The following CTNNA2 variants were observed in gnomAD, a reference collection of about 807,000 sequenced individuals.
The protein encoded by CTNNA2 is catenin alpha-2.
In CTNNA2, 42 loss-of-function variants were observed where a neutral mutation model predicts 101.0. That is an observed-to-expected ratio of 0.42 (90% CI 0.32 to 0.54). The LOEUF is 0.54. CTNNA2 is among the 20% of genes least tolerant of loss of function. The probability of loss-of-function intolerance (pLI) is 0.14; values close to 1 mark genes in which losing one functional copy is unlikely to be tolerated. For missense variants in CTNNA2, 871 were observed against 1,223.1 expected, an observed-to-expected ratio of 0.71 and a Z score of 4.29; for synonymous variants, 450 against 456.4, an observed-to-expected ratio of 0.99 and a Z score of 0.18.
chr2:80,474,561 C>T (rs1161784281), intron 9 of CTNNA2, among the ~76,000 whole-genome samples: 2 of 152,114 alleles, frequency 1.3e-5, no homozygotes, highest in African/African-American at 4.8e-5. Flanking sequence ...TGTTACATAC[C>T]TACATTTTCC....
At chr2:80,502,527 T>G (rs886833330) in intron 9 of CTNNA2, among the ~76,000 whole-genome samples, 1 of 152,200 alleles carries the variant, frequency 6.6e-6, no homozygotes, top group Non-Finnish European at 1.5e-5. Context: ...TTATTTTCAT[T>G]TTTTCCAAAT....
Position 80,555,744 on chromosome 2 carries a change from G to T in CTNNA2, c.1592G>T (p.Gly531Val). Residue 531 changes from glycine to valine, a missense_variant, in exon 12 of 19, where the codon GGC (glycine) becomes GTC (valine). By Grantham distance (109) the Gly-to-Val change is moderately radical (BLOSUM62 -3). Transcript: ENST00000402739. ...VNKCVIALQE[G>V]DVDTLDRTAG... ...AAGTGTGTGATAGCCCTCCAAGAGG[G>T]CGATGTGGACACTCTGGACCGGACT... 6.3e-7 allele frequency: 1 copy of T among 1,582,246 alleles called. No individual in the cohort carries two copies. The highest frequency in any genetic ancestry group is 8.6e-7 in the Non-Finnish European group (1 of 1,163,880).
At chr2:79,326,581 A>C (rs1371536571) in intron 3 of CTNNA2, among the ~76,000 whole-genome samples, 1 of 152,194 alleles carries the variant, frequency 6.6e-6, no homozygotes, top group Non-Finnish European at 1.5e-5. Context: ...CTAGTCATTT[A>C]TAACATGATT....
chr2:80,019,924 C>A (rs1428388381), intron 7 of CTNNA2, among the ~76,000 whole-genome samples: 1 of 152,072 alleles, frequency 6.6e-6, no homozygotes, highest in African/African-American at 2.4e-5. Context: ...CCTGTAGTTC[C>A]CTACGTTTTT....
chr2:80,109,478 A>G (rs1182571374), intron 7 of CTNNA2, among the ~76,000 whole-genome samples: 1 of 151,960 alleles, frequency 6.6e-6, no homozygotes, highest in Non-Finnish European at 1.5e-5. Context: ...AAACAAACAA[A>G]CAAACAAACA....
intron 7 of CTNNA2, among the ~76,000 whole-genome samples, chr2:80,079,833 A>T (rs867682953): frequency 5.2e-5 from 4 of 76,830 alleles, no homozygotes; most frequent in Non-Finnish European, 6.9e-5. Flanking sequence ...TAAAATAAAT[A>T]AAATAAAATA....
intron 4 of CTNNA2, among the ~76,000 whole-genome samples, chr2:79,377,969 A>C (rs1677998148): frequency 6.6e-6 from 1 of 152,130 alleles, no homozygotes; most frequent in African/African-American, 2.4e-5. Flanking sequence ...ATACAGTAAA[A>C]TCTAATGTTT....
intron 7 of CTNNA2, among the ~76,000 whole-genome samples, chr2:79,977,221 T>TGCAC (rs1553419393): frequency 4.5e-5 from 4 of 88,162 alleles, no homozygotes; most frequent in Admixed American, 2.9e-4. Flanking sequence ...TGCATATGCA[T>TGCAC]GCACACACAC....
intron 7 of CTNNA2, among the ~76,000 whole-genome samples, chr2:80,002,138 G>T (rs563017694): frequency 2.0e-5 from 3 of 152,138 alleles, no homozygotes; most frequent in Non-Finnish European, 4.4e-5. Flanking sequence ...TTTAAGAAAT[G>T]CAATGGTTGA....
chr2:80,100,235 T>C (rs1465607392), intron 7 of CTNNA2, among the ~76,000 whole-genome samples: 1 of 152,128 alleles, frequency 6.6e-6, no homozygotes, highest in Non-Finnish European at 1.5e-5. Context: ...CTCCCAACCA[T>C]GCATCTGAAT....
At chr2:80,163,546 T>A (rs1704471289) in intron 7 of CTNNA2, among the ~76,000 whole-genome samples, 2 of 152,118 alleles carry the variant, frequency 1.3e-5, no homozygotes, top group Admixed American at 6.6e-5. Flanking sequence ...TTGGTATAGG[T>A]TCTATGGACA....
chr2:80,168,205 C>A (rs566744216), intron 7 of CTNNA2, among the ~76,000 whole-genome samples: 5 of 152,230 alleles, frequency 3.3e-5, no homozygotes, highest in African/African-American at 1.2e-4. Context: ...TTCTTTCCCC[C>A]TCCAGCCTCA....
At chr2:79,646,321 T>G (rs138074301) in intron 1 of CTNNA2, among the ~76,000 whole-genome samples, 1,975 of 152,304 alleles carry the variant, frequency 0.013, 27 homozygotes, top group Middle Eastern at 0.02. Flanking sequence ...CCTTGGCTGC[T>G]TCACAGAGGA....
chr2:80,559,151 G>T lies in CTNNA2; in HGVS notation c.1741+3258G>T, dbSNP rs1462507178. Among the ~76,000 whole-genome samples, 4 of 152,224 alleles carry T rather than the reference G, an allele frequency of 2.6e-5. No individual in the cohort carries two copies. In the East Asian group the frequency reaches 7.7e-4, roughly 29 times the overall value. On this transcript the variant is annotated intron_variant, in intron 12 of 18. Transcript: ENST00000402739. ...AAAATAATGTGCACTGAGCATTACT[G>T]CCCTAAAGTAAAGAAATAACCCAAA...
intron 14 of CTNNA2, among the ~76,000 whole-genome samples, chr2:80,587,314 C>T (rs1056033111): frequency 6.6e-6 from 1 of 152,058 alleles, no homozygotes; most frequent in East Asian, 1.9e-4. Context: ...TAGATAGTTG[C>T]ATAGACCCCG....
intron 1 of CTNNA2, among the ~76,000 whole-genome samples, chr2:79,635,851 C>A (rs1680003662): frequency 1.3e-5 from 2 of 151,782 alleles, no homozygotes; most frequent in Admixed American, 1.3e-4. Context: ...GGAGTTGGAC[C>A]AATGTTGTGG....
chr2:79,719,356 C>G (rs1228965400), intron 2 of CTNNA2, among the ~76,000 whole-genome samples: 1 of 152,122 alleles, frequency 6.6e-6, no homozygotes, highest in African/African-American at 2.4e-5. Context: ...CTGTTGTGAA[C>G]AGTGCAGTGA....
intron 1 of CTNNA2, among the ~76,000 whole-genome samples, chr2:79,539,914 C>T (rs557700259): frequency 1.3e-5 from 2 of 152,258 alleles, no homozygotes; most frequent in South Asian, 4.1e-4. Context: ...TCTGTGACTG[C>T]CCCACCCAGG....
intron 7 of CTNNA2, among the ~76,000 whole-genome samples, chr2:80,108,995 T>A (rs1701051215): frequency 2.0e-5 from 3 of 152,178 alleles, no homozygotes; most frequent in Admixed American, 2.0e-4. Context: ...TTATCTGACA[T>A]ACCTCATCAC....
Sources: allele counts gnomAD v4.1 joint callset (sites outside exome capture counted in the v4.1 genomes callset), GRCh38; gene constraint gnomAD v4.1.1; transcripts MANE v1.5; gene names NCBI Gene and HGNC (gene_info 2026-07-23, HGNC 2026-07-21).